Variants in KCNV1 observed in about 807,000 individuals in gnomAD.
KCNV1 encodes potassium voltage-gated channel subfamily V member 1.
In KCNV1, 2 loss-of-function variants were observed where a neutral mutation model predicts 36.4. The observed-to-expected ratio is 0.05, with a 90% CI of 0.02 to 0.17. KCNV1 has a LOEUF of 0.17. Among genes scored for constraint, KCNV1 ranks in the 10% least tolerant of loss-of-function variants. The pLI is 1.00. For missense variants in KCNV1, 321 were observed against 643.6 expected (o/e 0.50, Z 5.42); for synonymous variants, 280 against 261.1 (o/e 1.07, Z -0.70).
In KCNV1 at chr8:109,974,657, C is replaced by T. The variant is rs1038002599; in HGVS notation, c.-269G>A. ...GAAGGGTCGCGCTAAGAGAGAGGAT[C>T]AGGTGAGGTCCAAGCCCGACACAGT... On this transcript the variant is annotated 5_prime_UTR_variant, in exon 2 of 4. Transcript: ENST00000524391. This position sits in a 1 kb window ranked among gnomAD's most constrained non-coding sequence, Gnocchi z 6.2. The T allele has an allele frequency of 3.8e-6, 2 of 531,692 alleles. No homozygotes were observed. The highest frequency in any genetic ancestry group is 6.7e-6 in the Non-Finnish European group (2 of 300,120). The allele number at this position is 531,692 out of a possible 1,614,324, so 32.9% of individuals were successfully genotyped here. A position where few individuals can be genotyped will look rare whatever the true frequency, so the allele number is the denominator to read the frequency against.
At position 109,972,924 on chromosome 8, in the gene KCNV1, TTG is replaced by T. The variant is rs1275755237; in HGVS notation, c.462-139_462-138del. On this transcript the variant is annotated intron_variant, in intron 2 of 3. Coordinates refer to ENST00000524391, the MANE Select transcript of KCNV1 (RefSeq NM_014379.4). This position sits in a 1 kb window ranked among gnomAD's most constrained non-coding sequence, Gnocchi z 5.2. ...AATGTCTATTCATATTTTACTTAGG[TTG>T]TGTCTTACCCACAGTATTCAGAATT... is the stretch of plus-strand genomic sequence containing the variant. 1 of 651,912 alleles carries T rather than the reference TTG, an allele frequency of 1.5e-6. No homozygotes were observed. Among genetic ancestry groups the T allele is most frequent in the Non-Finnish European group, 2.6e-6 (1 of 385,028 alleles). 40.4% of individuals were successfully genotyped at this position (651,912 alleles called of 1,614,324 possible). A position where few individuals can be genotyped will look rare whatever the true frequency, so the allele number is the denominator to read the frequency against.
At chr8:109,970,881 C>T (rs535046614) in intron 3 of KCNV1, among the ~76,000 whole-genome samples, 2 of 152,242 alleles carry the variant, frequency 1.3e-5, no homozygotes, top group South Asian at 4.1e-4. Context: ...ATCCCATTAT[C>T]TGTGTCAGAA....
At chr8:109,973,809 C>T in intron 2 of KCNV1, 119 bp downstream of exon 2, 5 of 630,442 alleles carry the variant, frequency 7.9e-6, no homozygotes, top group Non-Finnish European at 1.3e-5. Context: ...AGTGGCCACA[C>T]CTTATTGCTA....
rs6469290 is a variant in KCNV1, at chr8:109,965,913, A to G, written c.*2175T>C. 26,709 of 152,118 alleles carry G rather than the reference A, an allele frequency of 0.18. 4,048 individuals are homozygous for G. The highest frequency in any genetic ancestry group is 0.41 in the African/African-American group (17,143 of 41,444). 9.4% of individuals were successfully genotyped at this position (152,118 alleles called of 1,614,324 possible). On this transcript the variant is annotated 3_prime_UTR_variant, in exon 4 of 4. Transcript: ENST00000524391. ...ATTGGTATTCAGCGCTGGCTCTGCC[A>G]TCTATAGCCTGTGTGAATTTAGGCA...
At chr8:109,970,236 A>G (rs1819993593) in intron 3 of KCNV1, among the ~76,000 whole-genome samples, 1 of 152,222 alleles carries the variant, frequency 6.6e-6, no homozygotes, top group Non-Finnish European at 1.5e-5. Flanking sequence ...CTTTACTTTT[A>G]TAAAAAACTG....
In KCNV1 at chr8:109,974,188, C is replaced by T; in HGVS notation, c.201G>A (p.Lys67=). The T allele has an allele frequency of 6.3e-7, 1 of 1,592,508 alleles. No individual in the cohort carries two copies. The highest frequency in any genetic ancestry group is 8.5e-7 in the Non-Finnish European group (1 of 1,170,050). ...LSCFPHTRLG[K]LAVVVASYRR... ...GGTAGGAAGCCACCACCACGGCCAG[C>T]TTGCCAAGGCGCGTGTGCGGGAAGC... Residue 67 remains lysine (K), a synonymous_variant, in exon 2 of 4, where the codon AAG becomes AAA. Coordinates refer to ENST00000524391, the MANE Select transcript of KCNV1 (RefSeq NM_014379.4). This position sits in a 1 kb window ranked among gnomAD's most constrained non-coding sequence, Gnocchi z 6.2.
chr8:109,968,550 G>A lies in KCNV1; in HGVS notation c.1041C>T (p.Gly347=). 6.2e-7 allele frequency: 1 copy of A among 1,603,842 alleles called. No homozygotes were observed. Among genetic ancestry groups the A allele is most frequent in the Non-Finnish European group, 8.5e-7 (1 of 1,171,572 alleles). ...CCACGGATAGAAATAGGAGCAGTAGGCCGACTTCTTCGTAACACTGGGTGA... is the reference window on the plus strand; with the variant it reads ...CCACGGATAGAAATAGGAGCAGTAGACCGACTTCTTCGTAACACTGGGTGA... ...MTITQCYEEV[G]LLLLFLSVGI... The change falls in exon 4 of 4, where the codon GGC becomes GGT. Residue 347 remains glycine, a synonymous_variant. Transcript: ENST00000524391. The surrounding 1 kb of genome is among the most constrained non-coding windows in gnomAD (Gnocchi z 5.3).
Position 109,972,226 on chromosome 8 carries a change from C to G in KCNV1, c.991+32G>C. On this transcript the variant is annotated intron_variant, in intron 3 of 3. Coordinates refer to ENST00000524391, the MANE Select transcript of KCNV1 (RefSeq NM_014379.4). This position sits in a 1 kb window ranked among gnomAD's most constrained non-coding sequence, Gnocchi z 5.2. ...AAAAACGAATGCTTACATGCAATGG[C>G]AAATTAAAAGGCATCAGTGAAATGT... 1.9e-6 allele frequency: 3 copies of G among 1,539,118 alleles called. No individual in the cohort carries two copies. Among genetic ancestry groups the G allele is most frequent in the Non-Finnish European group, 2.6e-6 (3 of 1,145,234 alleles).
intron 3 of KCNV1, among the ~76,000 whole-genome samples, chr8:109,969,107 A>G (rs1180609485): frequency 6.6e-6 from 1 of 152,228 alleles, no homozygotes; most frequent in Non-Finnish European, 1.5e-5. Context: ...TAAGACAATC[A>G]GGAACCTGAT....
intron 3 of KCNV1, among the ~76,000 whole-genome samples, chr8:109,970,807 G>A (rs1481237423): frequency 6.6e-6 from 1 of 152,148 alleles, no homozygotes; most frequent in Non-Finnish European, 1.5e-5. Context: ...GGAAAAAAAT[G>A]TAGTTTTTAC....
rs542448308 is a variant in KCNV1 at position 109,968,926 on chromosome 8, G to A, written c.992-327C>T. ...GAAGGCAGGCAGGGGTGGTATGATA[G>A]GAGTTTTGTACTTTAGTCTGTACAA... On this transcript the variant is annotated intron_variant, in intron 3 of 3. Transcript: ENST00000524391. The surrounding 1 kb of genome is among the most constrained non-coding windows in gnomAD (Gnocchi z 5.3). 2.0e-4 allele frequency among the ~76,000 whole-genome samples: 30 copies of A among 152,298 alleles called. No homozygotes were observed. Among genetic ancestry groups the A allele is most frequent in the South Asian group, 4.1e-4 (2 of 4,826 alleles).
At position 109,974,157 on chromosome 8, in the gene KCNV1, G is replaced by A. The variant is rs1264158139; in HGVS notation, c.232C>T (p.Pro78Ser). 6.2e-7 allele frequency: 1 copy of A among 1,603,512 alleles called. No homozygotes were observed. The highest frequency in any genetic ancestry group is 8.5e-7 in the Non-Finnish European group (1 of 1,175,742). Reference protein sequence around the residue: ...LAVVVASYRRPGALAAVPSPL... With the variant: ...LAVVVASYRRSGALAAVPSPL... ...CTGGGCACGGCGGCCAGGGCCCCGG[G>A]GCGGCGGTAGGAAGCCACCACCACG... is the stretch of plus-strand genomic sequence containing the variant. Residue 78 changes from proline (P) to serine (S), a missense_variant, in exon 2 of 4, where the codon CCC becomes TCC. Coordinates refer to ENST00000524391, the MANE Select transcript of KCNV1 (RefSeq NM_014379.4). The surrounding 1 kb of genome is among the most constrained non-coding windows in gnomAD (Gnocchi z 6.2).
Position 109,974,580 on chromosome 8 carries a change from G to C in KCNV1, c.-192C>G, listed in dbSNP as rs1350717980. 1.2e-5 allele frequency: 7 copies of C among 591,652 alleles called. No homozygotes were observed. The highest frequency in any genetic ancestry group is 2.1e-5 in the Non-Finnish European group (7 of 334,794). 36.7% of individuals were successfully genotyped at this position (591,652 alleles called of 1,614,324 possible). On this transcript the variant is annotated 5_prime_UTR_variant, in exon 2 of 4. Coordinates refer to ENST00000524391, the MANE Select transcript of KCNV1 (RefSeq NM_014379.4). This position sits in a 1 kb window ranked among gnomAD's most constrained non-coding sequence, Gnocchi z 6.2. ...CCTCCTCCTGCCGCTAGGGAGCCGG[G>C]AGTGCGCGGAAGCAGCGCACAAGTG...
chr8:109,968,095 C>G lies in KCNV1; in HGVS notation c.1496G>C (p.Trp499Ser). Residue 499 changes from tryptophan to serine, a missense_variant, in exon 4 of 4, where the codon TGG (tryptophan) becomes TCG (serine). Trp to Ser is a radical substitution (Grantham distance 177). Transcript: ENST00000524391. The surrounding 1 kb of genome is among the most constrained non-coding windows in gnomAD (Gnocchi z 5.3). The part of the protein sequence containing the change: ...STRSSGGDDF[W>S]F ...AATAAATTGAAAATTAATTCAAAACCAGAAATCATCTCCCCCGCTGCTCCT... is the reference window on the plus strand; with the variant it reads ...AATAAATTGAAAATTAATTCAAAACGAGAAATCATCTCCCCCGCTGCTCCT... 6.3e-7 allele frequency: 1 copy of G among 1,599,312 alleles called. No individual in the cohort carries two copies. The highest frequency in any genetic ancestry group is 8.5e-7 in the Non-Finnish European group (1 of 1,171,562).
chr8:109,972,107 T>G lies in KCNV1; in HGVS notation c.991+151A>C. 2.7e-6 allele frequency: 2 copies of G among 750,778 alleles called. No homozygotes were observed. The highest frequency in any genetic ancestry group is 4.1e-6 in the Non-Finnish European group (2 of 492,624). 46.5% of individuals were successfully genotyped at this position (750,778 alleles called of 1,614,324 possible). On this transcript the variant is annotated intron_variant, in intron 3 of 3. Coordinates refer to ENST00000524391, the MANE Select transcript of KCNV1 (RefSeq NM_014379.4). This position sits in a 1 kb window ranked among gnomAD's most constrained non-coding sequence, Gnocchi z 5.2. ...GTGATAGCAACTTCAATGTTTTGCC[T>G]CCCAATATCTCCTTAGAGGTCATGA...
intron 2 of KCNV1, among the ~76,000 whole-genome samples, chr8:109,973,055 G>A (rs935278956): frequency 2.1e-5 from 3 of 146,168 alleles, no homozygotes; most frequent in Non-Finnish European, 4.4e-5. Context: ...TCGGCTTACT[G>A]TAGCCTCCGC....
chr8:109,974,465 T>A lies in KCNV1; in HGVS notation c.-77A>T. 9.1e-7 allele frequency: 1 copy of A among 1,101,958 alleles called. No homozygotes were observed. The highest frequency in any genetic ancestry group is 1.3e-6 in the Non-Finnish European group (1 of 796,126). The allele number at this position is 1,101,958 out of a possible 1,614,324, so 68.3% of individuals were successfully genotyped here. A position where few individuals can be genotyped will look rare whatever the true frequency, so the allele number is the denominator to read the frequency against. ...GGAAGCTTTGGTCCCGCGAGGGCGG[T>A]GGCACGGCCCCTGGTGGCGGCCGGG... On this transcript the variant is annotated 5_prime_UTR_variant, in exon 2 of 4. Transcript: ENST00000524391. This position sits in a 1 kb window ranked among gnomAD's most constrained non-coding sequence, Gnocchi z 6.2.
In KCNV1 at chr8:109,974,338, G is replaced by A. The variant is rs1563836060; in HGVS notation, c.51C>T (p.Ser17=). Residue 17 remains serine, a synonymous_variant, in exon 2 of 4, where the codon TCC becomes TCT. Transcript: ENST00000524391. This position sits in a 1 kb window ranked among gnomAD's most constrained non-coding sequence, Gnocchi z 6.2. Reference sequence around the variant, plus strand: ...AGACACTAGAGTCCAGGGAGGTCAGGGAGCCGCTGTCCAGCGGCGAGTCCA... The same window carrying A: ...AGACACTAGAGTCCAGGGAGGTCAGAGAGCCGCTGTCCAGCGGCGAGTCCA... ...ALLDSPLDSG[S]LTSLDSSVFC... 1 of 1,538,498 alleles carries A rather than the reference G, an allele frequency of 6.5e-7. No individual in the cohort carries two copies. The highest frequency in any genetic ancestry group is 8.7e-7 in the Non-Finnish European group (1 of 1,147,646).
Position 109,968,502 on chromosome 8 carries a change from T to A in KCNV1, c.1089A>T (p.Val363=), listed in dbSNP as rs764221147. The A allele has an allele frequency of 6.2e-7, 1 of 1,613,452 alleles. No individual in the cohort carries two copies. The highest frequency in any genetic ancestry group is 8.5e-7 in the Non-Finnish European group (1 of 1,179,394). Reference sequence around the variant, plus strand: ...GAATGCTTTGCTCAGCAAAGTATTCTACAGTTGAAAATATAGAGATTCCCA... The same window carrying A: ...GAATGCTTTGCTCAGCAAAGTATTCAACAGTTGAAAATATAGAGATTCCCA... ...LSVGISIFST[V]EYFAEQSIPD... Residue 363 remains valine (V), a synonymous_variant, in exon 4 of 4, where the codon GTA becomes GTT. Coordinates refer to ENST00000524391, the MANE Select transcript of KCNV1 (RefSeq NM_014379.4). The surrounding 1 kb of genome is among the most constrained non-coding windows in gnomAD (Gnocchi z 5.3).
Sources: allele counts gnomAD v4.1 joint callset (sites outside exome capture counted in the v4.1 genomes callset), GRCh38; gene constraint gnomAD v4.1.1; non-coding constraint Gnocchi (gnomAD v3.1); transcripts MANE v1.5; gene names NCBI Gene and HGNC (gene_info 2026-07-23, HGNC 2026-07-21).